RRAGC: variants seen among roughly 807,000 people sequenced by gnomAD.
RRAGC encodes ras-related GTP-binding protein C.
A neutral mutation model predicts 37.1 loss-of-function variants in RRAGC; 8 were observed. The observed-to-expected ratio is 0.22, with a 90% confidence interval of 0.13 to 0.39. RRAGC has a LOEUF of 0.39. Ranked by LOEUF, RRAGC falls within the 10% of genes least tolerant of loss-of-function variation. The pLI, the probability that RRAGC is intolerant of heterozygous loss-of-function variation, is 1.00. For synonymous variants in RRAGC, 190 were observed against 181.1 expected (o/e 1.05, Z -0.39); for missense variants, 342 against 497.6 (o/e 0.69, Z 2.98).
At chr1:38,846,694 T>C (rs1353946420) in intron 5 of RRAGC, 1 of 152,218 alleles carries the variant, frequency 6.6e-6, no homozygotes, top group African/African-American at 2.4e-5. Flanking sequence ...TCTGATGTAC[T>C]TGCCTATAAA....
At chr1:38,857,201 T>C in intron 1 of RRAGC, 119 bp from the exon 2 acceptor site, 1 of 686,002 alleles carries the variant, frequency 1.5e-6, no homozygotes, top group Non-Finnish European at 2.5e-6. Context: ...TTTTGAAAAG[T>C]AGAAACTGAA....
chr1:38,853,709 T>C (rs1263838807), intron 3 of RRAGC, among the ~76,000 whole-genome samples: 3 of 150,174 alleles, frequency 2.0e-5, no homozygotes, highest in Non-Finnish European at 4.4e-5. Flanking sequence ...ATGGCATCAT[T>C]GCACTCCAGC....
chr1:38,844,117 C>T (rs924454576), intron 6 of RRAGC, among the ~76,000 whole-genome samples: 2 of 152,002 alleles, frequency 1.3e-5, no homozygotes, highest in Non-Finnish European at 2.9e-5. Context: ...AGCAATCACA[C>T]CACACAATTA....
At chr1:38,839,788 G>C in intron 6 of RRAGC, 84 bp from the exon 7 acceptor site, 1 of 1,340,014 alleles carries the variant, frequency 7.5e-7, no homozygotes, top group Non-Finnish European at 1.0e-6. Context: ...AAAATAACTC[G>C]GATAAACACT....
intron 1 of RRAGC, among the ~76,000 whole-genome samples, chr1:38,858,915 C>A (rs924405151): frequency 1.3e-5 from 2 of 152,214 alleles, no homozygotes; most frequent in African/African-American, 4.8e-5. Flanking sequence ...AATGCTACAG[C>A]GAAGTCTCCT....
rs771616080 is a variant in RRAGC at position 38,855,812 on chromosome 1, T to C, written c.537A>G (p.Lys179=). Residue 179 remains lysine (K), a synonymous_variant, in exon 3 of 7, where the codon AAA becomes AAG. Transcript: ENST00000373001. The part of the protein sequence containing the change: ...PDMNFEVFIH[K]VDGLSDDHKI... Reference sequence around the variant, plus strand: ...TGTGATCATCAGACAGACCATCAACTTTGTGAATAAAAACCTCAAAATTCA... The same window carrying C: ...TGTGATCATCAGACAGACCATCAACCTTGTGAATAAAAACCTCAAAATTCA... 3 of 1,613,936 alleles carry C rather than the reference T, an allele frequency of 1.9e-6. No homozygotes were observed. In the East Asian group the frequency reaches 6.7e-5, roughly 36 times the overall value.
intron 6 of RRAGC, among the ~76,000 whole-genome samples, chr1:38,840,064 C>G (rs374771542): frequency 6.7e-6 from 1 of 148,874 alleles, no homozygotes; most frequent in South Asian, 2.1e-4. Context: ...AAGAGAATGG[C>G]GTGAACCTGG....
At chr1:38,842,393 A>G (rs1165843024) in intron 6 of RRAGC, among the ~76,000 whole-genome samples, 1 of 152,264 alleles carries the variant, frequency 6.6e-6, no homozygotes, top group Non-Finnish European at 1.5e-5. Flanking sequence ...CTGAATAGCC[A>G]TGAAAAGGTA....
rs1642024254 is a variant in RRAGC, at chr1:38,846,065, T to C, written c.922A>G (p.Ser308Gly). 7.5e-6 allele frequency: 12 copies of C among 1,609,858 alleles called. No individual in the cohort carries two copies. The highest frequency in any genetic ancestry group is 1.0e-5 in the Non-Finnish European group (12 of 1,177,764). ...GCCATAGATTCTTTGTCATAAGCACTTCCACTTCCATCTTCCTTTAACCTA... is the reference window on the plus strand; with the variant it reads ...GCCATAGATTCTTTGTCATAAGCACCTCCACTTCCATCTTCCTTTAACCTA... ...IYGLKEDGSGSAYDKESMAII... is the reference protein window; with the variant it reads ...IYGLKEDGSGGAYDKESMAII... The change falls in exon 6 of 7, where the codon AGT (serine) becomes GGT (glycine). Residue 308 changes from serine (S) to glycine (G), a missense_variant. Around this residue, in one of 3 missense-constraint regions of RRAGC, gnomAD observed 104 missense variants for 127.0 expected, o/e 0.82. Transcript: ENST00000373001.
chr1:38,840,045 G>A (rs928953674), intron 6 of RRAGC, among the ~76,000 whole-genome samples: 3 of 151,866 alleles, frequency 2.0e-5, no homozygotes, highest in Non-Finnish European at 4.4e-5. Flanking sequence ...CTACTCAGGA[G>A]GCTGAGGCAA....
At position 38,839,474 on chromosome 1, in the gene RRAGC, T is replaced by A. The variant is rs1318969591; in HGVS notation, c.*79A>T. On this transcript the variant is annotated 3_prime_UTR_variant, in exon 7 of 7. Coordinates refer to ENST00000373001, the MANE Select transcript of RRAGC (RefSeq NM_022157.4). ...GCACCAGATTCCCACAAGCAGCAGC[T>A]CCCATGTCCTGTAGCACGTGGCATC... 1 of 1,487,306 alleles carries A rather than the reference T, an allele frequency of 6.7e-7. No individual in the cohort carries two copies. Among genetic ancestry groups the A allele is most frequent in the Non-Finnish European group, 9.1e-7 (1 of 1,094,096 alleles). 92.1% of individuals were successfully genotyped at this position (1,487,306 alleles called of 1,614,324 possible).
In RRAGC at chr1:38,859,729, G is replaced by T. The variant is rs12753459; in HGVS notation, c.-83C>A. ...GCCGCCTCCCCAGTCCGCCTCCGCC[G>T]CCGCCGCCACCACCGCCACCGCCCC... On this transcript the variant is annotated 5_prime_UTR_variant, in exon 1 of 7. Transcript: ENST00000373001. The T allele has an allele frequency of 5.1e-6, 6 of 1,175,152 alleles. No individual in the cohort carries two copies. Among genetic ancestry groups the T allele is most frequent in the Admixed American group, 4.4e-5 (1 of 22,878 alleles). 72.8% of individuals were successfully genotyped at this position (1,175,152 alleles called of 1,614,324 possible). A position where few individuals can be genotyped will look rare whatever the true frequency, so the allele number is the denominator to read the frequency against.
chr1:38,847,091 C>T (rs907243832), intron 5 of RRAGC: 2 of 151,636 alleles, frequency 1.3e-5, no homozygotes, highest in African/African-American at 4.9e-5. Flanking sequence ...GCCTGAGTGA[C>T]AGAGCAAGAC....
intron 3 of RRAGC, among the ~76,000 whole-genome samples, chr1:38,855,142 T>A (rs892296773): frequency 1.3e-5 from 2 of 152,192 alleles, no homozygotes; most frequent in Non-Finnish European, 2.9e-5. Flanking sequence ...AGCCAAACTT[T>A]ATAGAGTTTC....
At chr1:38,841,419 T>G (rs544125823) in intron 6 of RRAGC, among the ~76,000 whole-genome samples, 1 of 151,348 alleles carries the variant, frequency 6.6e-6, no homozygotes, top group East Asian at 2.0e-4. Context: ...CAGGCTAGAG[T>G]GCAGTGGTAC....
chr1:38,856,755 A>T (rs2124234190), intron 2 of RRAGC, 124 bp downstream of exon 2: 1 of 841,292 alleles, frequency 1.2e-6, no homozygotes, highest in Non-Finnish European at 1.9e-6. Context: ...CATCTCTTAC[A>T]CTGTTAGGGA....
intron 2 of RRAGC, among the ~76,000 whole-genome samples, chr1:38,856,421 C>G (rs1342621075): frequency 6.6e-6 from 1 of 152,160 alleles, no homozygotes; most frequent in African/African-American, 2.4e-5. Flanking sequence ...GGACTTGCCC[C>G]ATTCATCTCA....
intron 3 of RRAGC, among the ~76,000 whole-genome samples, chr1:38,855,285 T>C (rs1378770079): frequency 1.3e-5 from 2 of 152,198 alleles, no homozygotes; most frequent in African/African-American, 4.8e-5. Context: ...GCACTCTCTG[T>C]ATAAGGCTGT....
intron 6 of RRAGC, among the ~76,000 whole-genome samples, chr1:38,842,226 C>G (rs531740414): frequency 6.6e-6 from 1 of 152,108 alleles, no homozygotes; most frequent in African/African-American, 2.4e-5. Context: ...GAGCCGAGAT[C>G]GCACCACTGC....
Sources: gnomAD v4.1 joint callset for allele counts (sites outside exome capture counted in the v4.1 genomes callset) on GRCh38, gnomAD v4.1.1 for gene constraint, gnomAD v4.1.1 regional missense constraint, MANE v1.5 for transcripts, NCBI Gene and HGNC (gene_info 2026-07-23, HGNC 2026-07-21) for gene names.